The following SORL1 variants were observed in gnomAD, a reference collection of about 807,000 sequenced individuals.
SORL1 encodes sortilin related receptor 1.
Under a neutral mutation model 273.7 loss-of-function variants are expected in SORL1, and 127 were observed. The ratio of observed to expected loss-of-function variants is 0.46; its 90% CI spans 0.40 to 0.54. SORL1 has a LOEUF of 0.54. Among genes scored for constraint, SORL1 ranks in the 20% least tolerant of loss-of-function variants. The probability of loss-of-function intolerance (pLI) is 0.00; values close to 1 mark genes in which losing one functional copy is unlikely to be tolerated. For synonymous variants in SORL1, 1,031 were observed against 1,067.4 expected, an observed-to-expected ratio of 0.97 and a Z score of 0.66; for missense variants, 2,494 against 2,846.1, an observed-to-expected ratio of 0.88 and a Z score of 2.81.
chr11:121,579,401 ACCT>A (rs1314080585), intron 25 of SORL1, among the ~76,000 whole-genome samples: 1 of 151,958 alleles, frequency 6.6e-6, no homozygotes, highest in Non-Finnish European at 1.5e-5. Context: ...AAGGTAGCTG[ACCT>A]CCTGTTGGCA....
chr11:121,492,040 A>T (rs1026936551), intron 5 of SORL1, among the ~76,000 whole-genome samples: 25 of 152,128 alleles, frequency 1.6e-4, no homozygotes, highest in African/African-American at 5.5e-4. Context: ...AGCCCACCTC[A>T]TTTATGCCCA....
intron 41 of SORL1, 56 bp downstream of exon 41, chr11:121,615,111 C>A: frequency 7.2e-7 from 1 of 1,379,314 alleles, no homozygotes; most frequent in Non-Finnish European, 9.8e-7. Flanking sequence ...CCTAATGCTA[C>A]GCCACCACAC....
At chr11:121,463,997 T>C (rs1330678969) in intron 1 of SORL1, among the ~76,000 whole-genome samples, 1 of 152,104 alleles carries the variant, frequency 6.6e-6, no homozygotes, top group East Asian at 1.9e-4. Flanking sequence ...TTCAGGGGAG[T>C]GCCTGGCTCC....
At chr11:121,516,460 TG>T (rs1175146916) in intron 8 of SORL1, among the ~76,000 whole-genome samples, 2 of 151,978 alleles carry the variant, frequency 1.3e-5, no homozygotes, top group African/African-American at 4.8e-5. Flanking sequence ...GGGGCAATAT[TG>T]GGGGGAGATC....
intron 5 of SORL1, among the ~76,000 whole-genome samples, chr11:121,493,329 T>C (rs1783263439): frequency 6.6e-6 from 1 of 152,186 alleles, no homozygotes; most frequent in Admixed American, 6.5e-5. Flanking sequence ...TGATCTTGGC[T>C]CACAGCAACC....
intron 25 of SORL1, among the ~76,000 whole-genome samples, chr11:121,580,348 T>C (rs765134625): frequency 4.6e-5 from 7 of 152,226 alleles, no homozygotes; most frequent in Non-Finnish European, 1.0e-4. Context: ...TGCTAGAATC[T>C]GAGCGACTTC....
At chr11:121,456,705 A>C (rs539357769) in intron 1 of SORL1, among the ~76,000 whole-genome samples, 21 of 152,340 alleles carry the variant, frequency 1.4e-4, no homozygotes, top group African/African-American at 5.1e-4. Flanking sequence ...GGAATAAAGC[A>C]CAAAGCCTAA....
At chr11:121,540,828 G>A (rs1200614993) in intron 12 of SORL1, among the ~76,000 whole-genome samples, 1 of 152,188 alleles carries the variant, frequency 6.6e-6, no homozygotes, top group Non-Finnish European at 1.5e-5. Context: ...ATTTCCTGAG[G>A]TTATGTTGGG....
intron 31 of SORL1, among the ~76,000 whole-genome samples, chr11:121,594,809 C>T (rs1240990054): frequency 6.6e-6 from 1 of 152,144 alleles, no homozygotes. Context: ...ATTCTGAGCA[C>T]ATGGGTGGGC....
chr11:121,579,126 T>C (rs981052468), intron 25 of SORL1, among the ~76,000 whole-genome samples: 1 of 144,900 alleles, frequency 6.9e-6, no homozygotes, highest in African/African-American at 2.4e-5. Flanking sequence ...ATTACTTCAT[T>C]TCTATAGGCA....
At chr11:121,612,918 G>C in intron 40 of SORL1, 86 bp downstream of exon 40, 2 of 927,246 alleles carry the variant, frequency 2.2e-6, no homozygotes, top group Non-Finnish European at 1.7e-6. Flanking sequence ...GACTGGGGGT[G>C]CCAGGGAAGG....
chr11:121,470,420 C>T (rs1591547332), intron 2 of SORL1, among the ~76,000 whole-genome samples: 2 of 152,236 alleles, frequency 1.3e-5, no homozygotes, highest in African/African-American at 4.8e-5. Context: ...CTGGGCAGAG[C>T]TGCCTGCCTG....
chr11:121,518,268 A>G (rs528250755), intron 8 of SORL1, among the ~76,000 whole-genome samples: 1 of 152,196 alleles, frequency 6.6e-6, no homozygotes, highest in African/African-American at 2.4e-5. Context: ...AGAAGGGGAG[A>G]AGTGCCCTGG....
intron 27 of SORL1, among the ~76,000 whole-genome samples, chr11:121,587,694 G>C (rs1025619652): frequency 6.6e-6 from 1 of 152,160 alleles, no homozygotes; most frequent in Non-Finnish European, 1.5e-5. Context: ...TTGGGGGTTT[G>C]ATGCCAGACA....
chr11:121,498,295 A>G (rs1861659820), intron 6 of SORL1, among the ~76,000 whole-genome samples: 1 of 152,194 alleles, frequency 6.6e-6, no homozygotes, highest in Non-Finnish European at 1.5e-5. Flanking sequence ...GAACACACAG[A>G]TAAGAAATCA....
At chr11:121,492,970 TTTTA>T (rs1407462144) in intron 5 of SORL1, among the ~76,000 whole-genome samples, 3 of 151,648 alleles carry the variant, frequency 2.0e-5, no homozygotes, top group African/African-American at 7.3e-5. Flanking sequence ...GCCTGGCTAA[TTTTA>T]TTTATTTTTA....
In SORL1 at chr11:121,608,151, A is replaced by T; in HGVS notation, c.5214A>T (p.Lys1738Asn). Residue 1738 changes from lysine (K) to asparagine (N), a missense_variant, in exon 38 of 48, where the codon AAA becomes AAT. Lys to Asn is a moderately conservative substitution (Grantham distance 94). Coordinates refer to ENST00000260197, the MANE Select transcript of SORL1 (RefSeq NM_003105.6). ...SRGIGNWSDS[K>N]SITTIKGKVI... Reference sequence around the variant, plus strand: ...GAATAGGAAACTGGAGCGATTCTAAATCCATTACCACCATAAAAGGAAAAG... The same window carrying T: ...GAATAGGAAACTGGAGCGATTCTAATTCCATTACCACCATAAAAGGAAAAG... 1 of 1,613,970 alleles carries T rather than the reference A, an allele frequency of 6.2e-7. No individual in the cohort carries two copies. Among genetic ancestry groups the T allele is most frequent in the Non-Finnish European group, 8.5e-7 (1 of 1,179,812 alleles).
At chr11:121,479,928 G>T (rs563641544) in intron 3 of SORL1, among the ~76,000 whole-genome samples, 7 of 152,144 alleles carry the variant, frequency 4.6e-5, no homozygotes, top group African/African-American at 1.4e-4. Flanking sequence ...GAGGGAATTG[G>T]CCCCATAGAC....
At chr11:121,602,418 A>T (rs1863407019) in intron 32 of SORL1, among the ~76,000 whole-genome samples, 1 of 152,256 alleles carries the variant, frequency 6.6e-6, no homozygotes, top group Non-Finnish European at 1.5e-5. Flanking sequence ...ATGAAAACTC[A>T]TCAGTGGAGA....
Sources: allele counts gnomAD v4.1 joint callset (sites outside exome capture counted in the v4.1 genomes callset), GRCh38; gene constraint gnomAD v4.1.1; transcripts MANE v1.5; gene names NCBI Gene and HGNC (gene_info 2026-07-23, HGNC 2026-07-21).